The following CHAT variants were observed in gnomAD, a reference collection of about 807,000 sequenced individuals.
CHAT encodes choline O-acetyltransferase.
CHAT carries 61 observed loss-of-function variants against 76.9 expected under a neutral mutation model. The ratio of observed to expected loss-of-function variants is 0.79; its 90% CI spans 0.65 to 0.98. The LOEUF (loss-of-function observed/expected upper bound fraction) is 0.98. Among genes scored for constraint, CHAT ranks in the 50% least tolerant of loss-of-function variants. CHAT has a pLI of 0.00. For synonymous variants in CHAT, 407 were observed against 397.4 expected (o/e 1.02, Z -0.29); for missense variants, 946 against 986.9 (o/e 0.96, Z 0.56).
intron 2 of CHAT, among the ~76,000 whole-genome samples, chr10:49,617,134 G>A (rs1024810524): frequency 2.6e-5 from 4 of 152,134 alleles, no homozygotes; most frequent in African/African-American, 9.7e-5. Flanking sequence ...GGTTGCATGT[G>A]TTTCCCCTCT....
chr10:49,647,656 T>G (rs1839716129), intron 8 of CHAT, among the ~76,000 whole-genome samples: 2 of 152,252 alleles, frequency 1.3e-5, no homozygotes, highest in African/African-American at 4.8e-5. Flanking sequence ...TTATCATCTT[T>G]CATGGAGCTG....
chr10:49,621,631 A>G (rs1838712823), intron 4 of CHAT, among the ~76,000 whole-genome samples: 1 of 152,098 alleles, frequency 6.6e-6, no homozygotes. Context: ...TGCCCTGTCC[A>G]GACCCAGGGC....
intron 13 of CHAT, among the ~76,000 whole-genome samples, chr10:49,656,378 T>C (rs1840037411): frequency 6.7e-6 from 1 of 148,874 alleles, no homozygotes; most frequent in Non-Finnish European, 1.5e-5. Context: ...CCATAAGCCC[T>C]GTCCTTAGGG....
Position 49,651,632 on chromosome 10 carries a change from C to T in CHAT, c.1512-252C>T, listed in dbSNP as rs2132819401. 5 of 488,128 alleles carry T rather than the reference C, an allele frequency of 1.0e-5. No homozygotes were observed. In the East Asian group the frequency reaches 2.0e-4, roughly 19 times the overall value. 30.2% of individuals were successfully genotyped at this position (488,128 alleles called of 1,614,324 possible). A position where few individuals can be genotyped will look rare whatever the true frequency, so the allele number is the denominator to read the frequency against. On this transcript the variant is annotated intron_variant, in intron 10 of 14. Coordinates refer to ENST00000337653, the MANE Select transcript of CHAT (RefSeq NM_020549.5). ...CAGGCCCACCTCCCCACCCACTCTC[C>T]AGAGCAGGGCCGACACCCCACTCAG...
Position 49,619,718 on chromosome 10 carries a change from C to A in CHAT, c.388-7C>A. Reference sequence around the variant, plus strand: ...GAGGCACAATGCCTATGAACCCTTTCTTCCAGGGGCTGCCCAAACTGCCCG... The same window carrying A: ...GAGGCACAATGCCTATGAACCCTTTATTCCAGGGGCTGCCCAAACTGCCCG... On this transcript the variant is annotated splice_region_variant and splice_polypyrimidine_tract_variant and intron_variant, in intron 2 of 14. Transcript: ENST00000337653. The A allele has an allele frequency of 6.2e-7, 1 of 1,609,240 alleles. No individual in the cohort carries two copies. The highest frequency in any genetic ancestry group is 8.5e-7 in the Non-Finnish European group (1 of 1,179,900).
chr10:49,611,280 G>C (rs779299767), upstream of CHAT: 2 of 1,610,658 alleles, frequency 1.2e-6, no homozygotes, highest in African/African-American at 2.7e-5. Context: ...CGCTGTTCGC[G>C]GCGCGCAGCC....
chr10:49,626,568 G>A (rs115228647), intron 6 of CHAT, among the ~76,000 whole-genome samples: 7,568 of 152,060 alleles, frequency 0.05, 643 homozygotes, highest in African/African-American at 0.17. Flanking sequence ...AGGAGCTCTC[G>A]CAGCCCACCT....
Position 49,622,102 on chromosome 10 carries a change from C to T in CHAT, c.704C>T (p.Ala235Val), listed in dbSNP as rs1178906459. 2 of 1,186,810 alleles carry T rather than the reference C, an allele frequency of 1.7e-6. No individual in the cohort carries two copies. The highest frequency in any genetic ancestry group is 2.1e-6 in the Non-Finnish European group (2 of 944,088). 73.5% of individuals were successfully genotyped at this position (1,186,810 alleles called of 1,614,324 possible). Reference protein sequence around the residue: ...FPGTDDQLRFAASLISGVLSY... With the variant: ...FPGTDDQLRFVASLISGVLSY... ...GGCCTCCCTTCTCCCTGCAGGTTTG[C>T]AGCCAGCCTCATCTCTGGTGTACTC... Residue 235 changes from alanine to valine, a missense_variant, in exon 5 of 15, where the codon GCA becomes GTA. This residue lies in a region of CHAT where 548 missense variants were observed against 516.2 expected (regional missense o/e 1.06). Transcript: ENST00000337653.
In CHAT at chr10:49,656,380, T is replaced by C. The variant is rs185081895; in HGVS notation, c.1839+932T>C. Among the ~76,000 whole-genome samples the C allele has an allele frequency of 4.0e-5, 6 of 149,938 alleles. No homozygotes were observed. The East Asian group carries it at 1.2e-3, about 30-fold the overall frequency. On this transcript the variant is annotated intron_variant, in intron 13 of 14. Coordinates refer to ENST00000337653, the MANE Select transcript of CHAT (RefSeq NM_020549.5). ...CAAAATATGAAGTCCATAAGCCCTGTCCTTAGGGAGGTTACCATGTAGTTG... is the reference window on the plus strand; with the variant it reads ...CAAAATATGAAGTCCATAAGCCCTGCCCTTAGGGAGGTTACCATGTAGTTG...
At chr10:49,655,940 A>C (rs1361523156) in intron 13 of CHAT, among the ~76,000 whole-genome samples, 1 of 152,196 alleles carries the variant, frequency 6.6e-6, no homozygotes, top group Non-Finnish European at 1.5e-5. Context: ...TCAAACTTGC[A>C]AGGGAAATGT....
At chr10:49,625,795 C>G in intron 6 of CHAT, 142 bp downstream of exon 6, 1 of 836,758 alleles carries the variant, frequency 1.2e-6, no homozygotes, top group Non-Finnish European at 1.9e-6. Flanking sequence ...CAAAGTGGGG[C>G]CCCTACTTCC....
intron 7 of CHAT, among the ~76,000 whole-genome samples, chr10:49,640,131 CTTTT>C (rs920717776): frequency 8.1e-4 from 123 of 151,568 alleles, no homozygotes; most frequent in African/African-American, 2.8e-3. Flanking sequence ...CTTGTTGAGG[CTTTT>C]TTATGATTAC....
intron 10 of CHAT, 49 bp downstream of exon 10, chr10:49,649,685 G>T: frequency 2.1e-5 from 34 of 1,606,738 alleles, no homozygotes; most frequent in Non-Finnish European, 2.7e-5. Context: ...GGACCACCCC[G>T]CCCTTGCCTA....
In CHAT at chr10:49,662,608, A is replaced by C. The variant is rs914812819; in HGVS notation, c.1840-37A>C. On this transcript the variant is annotated intron_variant, in intron 13 of 14. Transcript: ENST00000337653. ...GGGAACAAGGAGGTGCAGGAGGCCCACTTCTCATCTCCTGTTCTTTGTCCC... is the reference window on the plus strand; with the variant it reads ...GGGAACAAGGAGGTGCAGGAGGCCCCCTTCTCATCTCCTGTTCTTTGTCCC... The C allele has an allele frequency of 3.0e-5, 48 of 1,613,138 alleles. 2 individuals are homozygous for C. The highest frequency in any genetic ancestry group is 8.5e-6 in the Non-Finnish European group (10 of 1,179,838).
Position 49,649,496 on chromosome 10 carries a change from CTG to C in CHAT, c.1383-9_1383-8del, listed in dbSNP as rs1332232411. 1.2e-6 allele frequency: 2 copies of C among 1,613,678 alleles called. No individual in the cohort carries two copies. Among genetic ancestry groups the C allele is most frequent in the African/African-American group, 2.7e-5 (2 of 74,954 alleles). ...GCCGCAGAGCCTCAGGAGGTTGCCT[CTG>C]TGCCCGCAGGACGCAGAGCAGCAGG... On this transcript the variant is annotated splice_polypyrimidine_tract_variant and intron_variant, in intron 9 of 14. Coordinates refer to ENST00000337653, the MANE Select transcript of CHAT (RefSeq NM_020549.5).
intron 7 of CHAT, among the ~76,000 whole-genome samples, chr10:49,633,099 C>G (rs552926584): frequency 4.9e-4 from 74 of 152,354 alleles, no homozygotes; most frequent in African/African-American, 1.3e-3. Context: ...GAACTTGAAG[C>G]TAAAGCCAGG....
chr10:49,649,348 C>T (rs1325505947), intron 9 of CHAT, among the ~76,000 whole-genome samples, 160 bp from the exon 10 acceptor site: 1 of 152,212 alleles, frequency 6.6e-6, no homozygotes, highest in African/African-American at 2.4e-5. Flanking sequence ...CTCTGAGCCT[C>T]AGTTTATTCA....
At position 49,655,131 on chromosome 10, in the gene CHAT, G is replaced by A. The variant is rs777066390; in HGVS notation, c.1671G>A (p.Ala557=). 61 of 1,614,006 alleles carry A rather than the reference G, an allele frequency of 3.8e-5. No homozygotes were observed. In the Admixed American group the frequency reaches 7.3e-4, roughly 19 times the overall value. The change falls in exon 12 of 15, where the codon GCG becomes GCA. Residue 557 remains alanine (A), a synonymous_variant. Coordinates refer to ENST00000337653, the MANE Select transcript of CHAT (RefSeq NM_020549.5). ...HRRLVPTYES[A]SIRRFQEGRV... is the part of the protein sequence containing the mutation. ...GACTGGTGCCCACCTACGAGAGCGC[G>A]TCCATCCGCCGATTCCAGGAGGGAC...
intron 14 of CHAT, among the ~76,000 whole-genome samples, chr10:49,664,485 G>A (rs1840290288): frequency 6.6e-6 from 1 of 152,202 alleles, no homozygotes; most frequent in Non-Finnish European, 1.5e-5. Flanking sequence ...GCCCCCAGGT[G>A]AAGTGGAGAC....
Sources: gnomAD v4.1 joint callset for allele counts (sites outside exome capture counted in the v4.1 genomes callset) on GRCh38, gnomAD v4.1.1 for gene constraint, gnomAD v4.1.1 regional missense constraint, MANE v1.5 for transcripts, NCBI Gene and HGNC (gene_info 2026-07-23, HGNC 2026-07-21) for gene names.